EPHB4: variants seen among roughly 807,000 people sequenced by gnomAD.
EPHB4 encodes EPH receptor B4.
In EPHB4, 50 loss-of-function variants were observed where a neutral mutation model predicts 110.6. The ratio of observed to expected loss-of-function variants is 0.45; its 90% confidence interval spans 0.36 to 0.57. EPHB4 has a LOEUF of 0.57. EPHB4 is among the 20% of genes least tolerant of loss of function. The pLI is 0.00. For missense variants in EPHB4, 1,128 were observed against 1,382.1 expected (o/e 0.82, Z 2.91); for synonymous variants, 592 against 578.4 (o/e 1.02, Z -0.34).
intron 8 of EPHB4, among the ~76,000 whole-genome samples, chr7:100,816,269 C>T (rs1225700924): frequency 6.6e-6 from 1 of 152,126 alleles, no homozygotes. Flanking sequence ...TCATGATATT[C>T]CCATTTTGTT....
intron 7 of EPHB4, among the ~76,000 whole-genome samples, chr7:100,817,843 T>C (rs1010333066): frequency 1.3e-4 from 20 of 148,186 alleles, no homozygotes; most frequent in African/African-American, 4.0e-4. Context: ...TTTTTTTCAT[T>C]TTAAGTATTT....
At chr7:100,818,682 G>A (rs2116447741) in intron 6 of EPHB4, 38 bp from the exon 7 acceptor site, 1 of 1,590,792 alleles carries the variant, frequency 6.3e-7, no homozygotes. Context: ...CTTGTGCATG[G>A]TAGCTCTGTC....
At chr7:100,820,883 T>TC (rs1813210497) in intron 4 of EPHB4, 1 of 151,938 alleles carries the variant, frequency 6.6e-6, no homozygotes, top group African/African-American at 2.4e-5. Flanking sequence ...TTTTTTTTTT[T>TC]CCTGAGAAGG....
At chr7:100,806,974 T>A (rs1812830818) in intron 13 of EPHB4, among the ~76,000 whole-genome samples, 1 of 152,086 alleles carries the variant, frequency 6.6e-6, no homozygotes, top group Non-Finnish European at 1.5e-5. Flanking sequence ...CTGGCCACTG[T>A]TCTTTTGAGA....
intron 1 of EPHB4, chr7:100,825,366 CTG>C (rs1813353015): frequency 6.6e-6 from 1 of 152,252 alleles, no homozygotes; most frequent in Non-Finnish European, 1.5e-5. Flanking sequence ...TGGATAGAGG[CTG>C]CCGTCTCCAC....
At chr7:100,813,240 G>T (rs1375951824) in intron 10 of EPHB4, 32 bp from the exon 11 acceptor site, 1 of 1,561,546 alleles carries the variant, frequency 6.4e-7, no homozygotes, top group East Asian at 2.3e-5. Flanking sequence ...CGTCAGCTGG[G>T]AATTAACTCC....
rs761850149 is a variant in EPHB4 at position 100,806,506 on chromosome 7, C to T, written c.2398G>A (p.Ala800Thr). The T allele has an allele frequency of 8.7e-6, 14 of 1,613,940 alleles. 1 individual carries two copies. Among genetic ancestry groups the T allele is most frequent in the African/African-American group, 6.7e-5 (5 of 74,902 alleles). Residue 800 changes from alanine (A) to threonine (T), a missense_variant, in exon 14 of 17, where the codon GCC (alanine) becomes ACC (threonine). By Grantham distance (58) the Ala-to-Thr change is moderately conservative (BLOSUM62 0). Transcript: ENST00000358173. ...EAIAFRKFTS[A>T]SDAWSYGIVM... is the part of the protein sequence containing the mutation. The stretch of plus-strand genomic sequence containing the variant: ...ATCCCGTAACTCCAGGCATCACTGG[C>T]GGAAGTGAACTTCCGGAAGGCAATG...
chr7:100,812,208 A>C (rs1389926044), intron 12 of EPHB4, among the ~76,000 whole-genome samples: 1 of 151,994 alleles, frequency 6.6e-6, no homozygotes, highest in Non-Finnish European at 1.5e-5. Flanking sequence ...AAATTAAAAA[A>C]AAAAAGAAGG....
Position 100,819,603 on chromosome 7 carries a change from C to T in EPHB4, c.1251G>A (p.Thr417=), listed in dbSNP as rs202220624. Residue 417 remains threonine (T), a synonymous_variant, in exon 6 of 17, where the codon ACG becomes ACA. Transcript: ENST00000358173. The part of the protein sequence containing the change: ...TALNGVSSLA[T]GPVPFEPVNV... ...TGACAGGCTCAAATGGGACGGGCCCCGTGGCTAAGGAGGATACCCCGTTCA... is the reference window on the plus strand; with the variant it reads ...TGACAGGCTCAAATGGGACGGGCCCTGTGGCTAAGGAGGATACCCCGTTCA... 84 of 1,594,142 alleles carry T rather than the reference C, an allele frequency of 5.3e-5. No individual in the cohort carries two copies. The African/African-American group carries it at 7.4e-4, about 14-fold the overall frequency.
At chr7:100,820,916 T>G (rs373858060) in intron 4 of EPHB4, 1 of 151,494 alleles carries the variant, frequency 6.6e-6, no homozygotes, top group South Asian at 2.1e-4. Flanking sequence ...GCAGATCACT[T>G]GAGTTCAAGA....
intron 5 of EPHB4, 122 bp from the exon 6 acceptor site, chr7:100,820,011 C>T: frequency 6.7e-6 from 10 of 1,487,740 alleles, no homozygotes; most frequent in Non-Finnish European, 9.0e-6. Flanking sequence ...CCACATGTTC[C>T]TCCGGGCTAG....
intron 16 of EPHB4, among the ~76,000 whole-genome samples, 192 bp downstream of exon 16, chr7:100,804,974 A>G (rs988276728): frequency 4.6e-5 from 7 of 152,186 alleles, no homozygotes; most frequent in Non-Finnish European, 1.0e-4. Context: ...GCTGGCCCCA[A>G]AGAGTCCTTG....
In EPHB4 at chr7:100,817,045, T is replaced by G. The variant is rs974117106; in HGVS notation, c.1588+147A>C. 3 of 924,638 alleles carry G rather than the reference T, an allele frequency of 3.2e-6. No homozygotes were observed. In the Admixed American group the frequency reaches 1.4e-4, roughly 44 times the overall value. 57.3% of individuals were successfully genotyped at this position (924,638 alleles called of 1,614,324 possible). A position where few individuals can be genotyped will look rare whatever the true frequency, so the allele number is the denominator to read the frequency against. Reference sequence around the variant, plus strand: ...TTGCAGTGAGCGGAGATGGTGCCACTGCACTCCAGCCTGAGGGACAGAGCA... The same window carrying G: ...TTGCAGTGAGCGGAGATGGTGCCACGGCACTCCAGCCTGAGGGACAGAGCA... On this transcript the variant is annotated intron_variant, in intron 8 of 16. Transcript: ENST00000358173.
At chr7:100,823,165 C>T (rs925957492) in intron 3 of EPHB4, among the ~76,000 whole-genome samples, 38 of 151,990 alleles carry the variant, frequency 2.5e-4, no homozygotes, top group African/African-American at 8.9e-4. Flanking sequence ...AAATGAGTGC[C>T]GAGACAGGCA....
intron 12 of EPHB4, 136 bp from the exon 13 acceptor site, chr7:100,807,716 A>C: frequency 1.2e-6 from 1 of 840,964 alleles, no homozygotes; most frequent in Non-Finnish European, 1.8e-6. Flanking sequence ...ATCATAGCTC[A>C]CTGCAGCCTC....
At chr7:100,816,038 C>T (rs1178734383) in intron 8 of EPHB4, among the ~76,000 whole-genome samples, 1 of 151,246 alleles carries the variant, frequency 6.6e-6, no homozygotes, top group African/African-American at 2.4e-5. Context: ...CCAGCAGTCC[C>T]AGCATTTCGG....
chr7:100,814,191 A>C (rs546671418), intron 8 of EPHB4, 170 bp from the exon 9 acceptor site: 1 of 649,138 alleles, frequency 1.5e-6, no homozygotes, highest in East Asian at 2.9e-5. Flanking sequence ...AGTGGGTTTC[A>C]AACTCTCCCC....
In EPHB4 at chr7:100,827,176, G is replaced by A. The variant is rs555390427; in HGVS notation, c.-146C>T. On this transcript the variant is annotated 5_prime_UTR_variant, in exon 1 of 17. Coordinates refer to ENST00000358173, the MANE Select transcript of EPHB4 (RefSeq NM_004444.5). ...CAGCGCGGGCCCATGCGAGCGTGCG[G>A]GGCACCGGGCGGCGGCGCCAAGTGT... The A allele has an allele frequency of 2.3e-5, 17 of 750,508 alleles. No individual in the cohort carries two copies. The highest frequency in any genetic ancestry group is 4.2e-5 in the Admixed American group (1 of 23,670). The allele number at this position is 750,508 out of a possible 1,614,324, so 46.5% of individuals were successfully genotyped here.
At position 100,812,918 on chromosome 7, in the gene EPHB4, C is replaced by T. The variant is rs751024707; in HGVS notation, c.1947G>A (p.Leu649=). The T allele has an allele frequency of 3.1e-6, 5 of 1,614,220 alleles. No homozygotes were observed. The Admixed American group carries it at 5.0e-5, about 16-fold the overall frequency. Residue 649 remains leucine, a synonymous_variant, in exon 12 of 17, where the codon CTG becomes CTA. Coordinates refer to ENST00000358173, the MANE Select transcript of EPHB4 (RefSeq NM_004444.5). ...GCTGCCGCTCCGTGTAGCCACCCTT[C>T]AGGGTCTTGATTGCCACACAGCTCT... ...KKESCVAIKT[L]KGGYTERQRR...
Sources: gnomAD v4.1 joint callset for allele counts (sites outside exome capture counted in the v4.1 genomes callset) on GRCh38, gnomAD v4.1.1 for gene constraint, MANE v1.5 for transcripts, NCBI Gene and HGNC (gene_info 2026-07-23, HGNC 2026-07-21) for gene names.